The following GNL3 variants were observed in gnomAD, a reference collection of about 807,000 sequenced individuals.
The protein encoded by GNL3 is guanine nucleotide-binding protein-like 3.
A neutral mutation model predicts 70.6 loss-of-function variants in GNL3; 77 were observed. The ratio of observed to expected loss-of-function variants is 1.09; its 90% CI spans 0.91 to 1.32. The LOEUF is 1.32. Among genes scored for constraint, GNL3 ranks in the 40% most tolerant of loss-of-function variants. The pLI is 0.00. For missense variants in GNL3, 634 were observed against 644.0 expected, an observed-to-expected ratio of 0.98 and a Z score of 0.17; for synonymous variants, 252 against 216.1, an observed-to-expected ratio of 1.17 and a Z score of -1.46.
chr3:52,691,004 G>A lies in GNL3; in HGVS notation c.714G>A (p.Glu238=). The part of the protein sequence containing the change: ...PFRSEVCFGK[E]GLWKLLGGFQ... ...GAAGTGAAGTCTGCTTTGGGAAAGA[G>A]GGCCTTTGGAAACTTCTTGGAGGTT... Residue 238 remains glutamate (E), a synonymous_variant, in exon 8 of 15, where the codon GAG becomes GAA. Coordinates refer to ENST00000418458, the MANE Select transcript of GNL3 (RefSeq NM_014366.5). 1 of 1,613,696 alleles carries A rather than the reference G, an allele frequency of 6.2e-7. No homozygotes were observed. The highest frequency in any genetic ancestry group is 8.5e-7 in the Non-Finnish European group (1 of 1,179,586).
intron 13 of GNL3, 67 bp from the exon 14 acceptor site, chr3:52,693,970 A>G (rs2097330047): frequency 4.9e-6 from 7 of 1,424,102 alleles, no homozygotes; most frequent in South Asian, 3.5e-5. Context: ...TTTCAGGTAC[A>G]TAACTACTTG....
At chr3:52,692,380 T>TTTTTTTTTTTTTTTTTTTG (rs2097328133) in intron 9 of GNL3, among the ~76,000 whole-genome samples, 15 of 150,690 alleles carry the variant, frequency 1.0e-4, no homozygotes, top group Non-Finnish European at 3.0e-5. Context: ...TTTTTTTTTT[T>TTTTTTTTTTTTTTTTTTTG]TGGGAGATGG....
chr3:52,688,733 T>TAG (rs2097324543), intron 5 of GNL3: 2 of 323,492 alleles, frequency 6.2e-6, no homozygotes, highest in South Asian at 6.0e-5. Context: ...CCCCCATGGA[T>TAG]AGAACCTGAC....
intron 6 of GNL3, 127 bp downstream of exon 6, chr3:52,689,333 C>G: frequency 1.1e-6 from 1 of 908,280 alleles, no homozygotes; most frequent in Non-Finnish European, 1.8e-6. Flanking sequence ...GTGCACTTTG[C>G]CAGAGACAGT....
chr3:52,691,373 T>G (rs888147320), intron 8 of GNL3, 169 bp from the exon 9 acceptor site: 28 of 635,894 alleles, frequency 4.4e-5, no homozygotes, highest in Non-Finnish European at 7.0e-5. Flanking sequence ...TTGCATTACT[T>G]GTGCAAGAAA....
intron 12 of GNL3, 28 bp from the exon 13 acceptor site, chr3:52,693,604 G>C (rs2097329615): frequency 1.2e-6 from 2 of 1,613,862 alleles, no homozygotes; most frequent in East Asian, 4.5e-5. Context: ...GCTCTTACCT[G>C]TTTACATGGG....
At position 52,693,033 on chromosome 3, in the gene GNL3, CTGA is replaced by C; in HGVS notation, c.1034_1036del (p.Asp345del). On this transcript the variant is annotated inframe_deletion, in exon 10 of 15. Transcript: ENST00000418458. ...GCTGCCAGTGCCATCCTTTCCCAGG[CTGA>C]TGCTCGACAGGTAAAAGGACCCCTT... is the stretch of plus-strand genomic sequence containing the variant. The C allele has an allele frequency of 1.2e-6, 2 of 1,614,160 alleles. No homozygotes were observed. The highest frequency in any genetic ancestry group is 1.7e-6 in the Non-Finnish European group (2 of 1,179,976).
Position 52,692,949 on chromosome 3 carries a change from C to T in GNL3, c.947C>T (p.Ser316Phe). ...SPSFIVSPLN[S>F]SSALALRSPA... ...AGCTTCATCGTATCTCCACTTAATT[C>T]CTCCTCTGCGCTTGCTCTGCGAAGT... The change falls in exon 10 of 15, where the codon TCC becomes TTC. Residue 316 changes from serine (S) to phenylalanine (F), a missense_variant. Transcript: ENST00000418458. The T allele has an allele frequency of 1.2e-6, 2 of 1,613,532 alleles. No homozygotes were observed. Among genetic ancestry groups the T allele is most frequent in the Non-Finnish European group, 1.7e-6 (2 of 1,179,428 alleles).
At position 52,693,790 on chromosome 3, in the gene GNL3, G is replaced by A; in HGVS notation, c.1483G>A (p.Val495Ile). 1.9e-6 allele frequency: 3 copies of A among 1,613,860 alleles called. No homozygotes were observed. Among genetic ancestry groups the A allele is most frequent in the African/African-American group, 2.7e-5 (2 of 75,010 alleles). ...TGACAAAGACAGTGACCAGGAAACTGTTGATGAAGAAGTTGATGTAAGTGT... is the reference window on the plus strand; with the variant it reads ...TGACAAAGACAGTGACCAGGAAACTATTGATGAAGAAGTTGATGTAAGTGT... ...EDDKDSDQETVDEEVDENSSG... is the reference protein window; with the variant it reads ...EDDKDSDQETIDEEVDENSSG... The change falls in exon 13 of 15, where the codon GTT becomes ATT. Residue 495 changes from valine to isoleucine, a missense_variant. Physicochemically the swap from Val to Ile is conservative, Grantham distance 29 (BLOSUM62 3). Coordinates refer to ENST00000418458, the MANE Select transcript of GNL3 (RefSeq NM_014366.5).
chr3:52,685,985 G>T, upstream of GNL3: 1 of 763,346 alleles, frequency 1.3e-6, no homozygotes. Flanking sequence ...AGGCGGTGAC[G>T]CACTTTACGG....
At chr3:52,686,300 C>T in intron 1 of GNL3, 195 bp downstream of exon 1, 1 of 628,682 alleles carries the variant, frequency 1.6e-6, no homozygotes, top group South Asian at 1.9e-5. Context: ...CGCGCGGGCT[C>T]ATTCTGCGGA....
Position 52,693,744 on chromosome 3 carries a change from G to C in GNL3, c.1437G>C (p.Arg479Ser). The change falls in exon 13 of 15, where the codon AGG (arginine) becomes AGC (serine). Residue 479 changes from arginine to serine, a missense_variant. Arg to Ser is a moderately radical substitution (Grantham distance 110). Coordinates refer to ENST00000418458, the MANE Select transcript of GNL3 (RefSeq NM_014366.5). ...IHEELPKRKE[R>S]KQEEREDDKD... ...AAGAATTGCCAAAACGGAAAGAAAG[G>C]AAGCAGGAGGAGAGGGAGGATGACA... The C allele has an allele frequency of 6.2e-7, 1 of 1,613,458 alleles. No individual in the cohort carries two copies. The highest frequency in any genetic ancestry group is 1.1e-5 in the South Asian group (1 of 91,082).
intron 10 of GNL3, 32 bp from the exon 11 acceptor site, chr3:52,693,155 G>A (rs1258593060): frequency 2.5e-5 from 40 of 1,594,606 alleles, no homozygotes; most frequent in Non-Finnish European, 3.3e-5. Flanking sequence ...GTCAGATGAA[G>A]GACAGCTCCT....
In GNL3 at chr3:52,694,112, G is replaced by A. The variant is rs1281433088; in HGVS notation, c.1567+9G>A. The A allele has an allele frequency of 6.2e-7, 1 of 1,608,206 alleles. No individual in the cohort carries two copies. The highest frequency in any genetic ancestry group is 8.5e-7 in the Non-Finnish European group (1 of 1,174,538). ...TGAGGAGACTACAGCAGGTGAGGCAGGCAAAAGGGGTTCTAACGAAGCAGC... is the reference window on the plus strand; with the variant it reads ...TGAGGAGACTACAGCAGGTGAGGCAAGCAAAAGGGGTTCTAACGAAGCAGC... On this transcript the variant is annotated intron_variant, in intron 14 of 14. Transcript: ENST00000418458.
chr3:52,693,079 G>C, intron 10 of GNL3, 33 bp downstream of exon 10: 1 of 1,609,546 alleles, frequency 6.2e-7, no homozygotes, highest in Non-Finnish European at 8.5e-7. Flanking sequence ...GCTCCTTGGA[G>C]CCATCTTCTT....
Position 52,694,176 on chromosome 3 carries a change from A to ATTTT in GNL3, c.1568-16_1568-13dup. 1.3e-6 allele frequency: 2 copies of ATTTT among 1,599,534 alleles called. No homozygotes were observed. Among genetic ancestry groups the ATTTT allele is most frequent in the South Asian group, 2.2e-5 (2 of 90,742 alleles). On this transcript the variant is annotated splice_polypyrimidine_tract_variant and intron_variant, in intron 14 of 14. Transcript: ENST00000418458. Reference sequence around the variant, plus strand: ...ACTTTTACTTTTTGAAAATCTCTTTATTTTCCTGCAATATAGGTGAACAGT... The same window carrying ATTTT: ...ACTTTTACTTTTTGAAAATCTCTTTATTTTTTTTCCTGCAATATAGGTGAACAGT...
chr3:52,688,726 C>G (rs1189795692), intron 5 of GNL3, among the ~76,000 whole-genome samples: 1 of 152,188 alleles, frequency 6.6e-6, no homozygotes, highest in African/African-American at 2.4e-5. Flanking sequence ...GCTCACTCCC[C>G]CATGGATAGA....
rs2097318219 is a variant in GNL3 at position 52,687,226 on chromosome 3, A to T, written c.73-20A>T. 1 of 1,593,920 alleles carries T rather than the reference A, an allele frequency of 6.3e-7. No homozygotes were observed. The highest frequency in any genetic ancestry group is 2.2e-5 in the East Asian group (1 of 44,778). The stretch of plus-strand genomic sequence containing the variant: ...ATAAAGATATTTTTGTAAGCAGACA[A>T]AATCTCTTTATTTTAATAGGTTCGA... On this transcript the variant is annotated intron_variant, in intron 2 of 14. Transcript: ENST00000418458.
At chr3:52,687,735 C>G (rs745649034) in intron 4 of GNL3, 120 bp downstream of exon 4, 3 of 643,142 alleles carry the variant, frequency 4.7e-6, no homozygotes, top group Admixed American at 2.7e-5. Context: ...CAGGCTCAAG[C>G]AGTCTTACCA....
Sources: gnomAD v4.1 joint callset for allele counts (sites outside exome capture counted in the v4.1 genomes callset) on GRCh38, gnomAD v4.1.1 for gene constraint, MANE v1.5 for transcripts, NCBI Gene and HGNC (gene_info 2026-07-23, HGNC 2026-07-21) for gene names.